Variants in DPP10 observed in about 807,000 individuals in gnomAD.
The protein encoded by DPP10 is inactive dipeptidyl peptidase 10.
In DPP10, 33 loss-of-function variants were observed where a neutral mutation model predicts 120.9. The observed-to-expected ratio is 0.27, with a 90% CI of 0.21 to 0.37. The LOEUF is 0.37. Among genes scored for constraint, DPP10 ranks in the 10% least tolerant of loss-of-function variants. The pLI, the probability that DPP10 is intolerant of heterozygous loss-of-function variation, is 1.00. For missense variants in DPP10, 816 were observed against 942.8 expected (o/e 0.87, Z 1.76); for synonymous variants, 337 against 326.1 (o/e 1.03, Z -0.36).
chr2:114,792,575 T>G (rs2106244108), intron 1 of DPP10, among the ~76,000 whole-genome samples: 2 of 152,346 alleles, frequency 1.3e-5, no homozygotes, highest in East Asian at 3.9e-4. Flanking sequence ...GTCCCCATTT[T>G]TCTCTGATAA....
intron 5 of DPP10, among the ~76,000 whole-genome samples, chr2:115,602,757 A>G (rs2083414286): frequency 6.6e-6 from 1 of 152,072 alleles, no homozygotes; most frequent in South Asian, 2.1e-4. Context: ...TCTGTGGGGA[A>G]CTCAGAGCTT....
At chr2:115,391,629 TA>T (rs990918592) in intron 3 of DPP10, among the ~76,000 whole-genome samples, 1 of 151,868 alleles carries the variant, frequency 6.6e-6, no homozygotes, top group Middle Eastern at 3.2e-3. Context: ...AAATATAAAA[TA>T]AAAAAGATGT....
chr2:115,836,414 A>C (rs1049562504), intron 22 of DPP10, 93 bp from the exon 23 acceptor site: 1 of 1,503,814 alleles, frequency 6.6e-7, no homozygotes, highest in African/African-American at 1.4e-5. Context: ...TTACTAAAGC[A>C]TGACAATTAA....
chr2:115,436,114 A>G (rs56280083), intron 3 of DPP10, among the ~76,000 whole-genome samples: 90,884 of 151,616 alleles, frequency 0.6, 28,537 homozygotes, highest in Middle Eastern at 0.74. Context: ...AGGGTGAAAA[A>G]TGTTTTTCAG....
At chr2:115,598,415 A>G (rs926338699) in intron 5 of DPP10, among the ~76,000 whole-genome samples, 5 of 151,770 alleles carry the variant, frequency 3.3e-5, no homozygotes, top group African/African-American at 9.7e-5. Context: ...TTAGAATTCA[A>G]TTATTTCTTT....
chr2:115,499,768 T>TA (rs1353638152), intron 4 of DPP10, among the ~76,000 whole-genome samples, 164 bp downstream of exon 4: 1 of 152,020 alleles, frequency 6.6e-6, no homozygotes, highest in African/African-American at 2.4e-5. Flanking sequence ...TGATAAAAAA[T>TA]ACCCTGTGAC....
chr2:115,231,044 GA>G (rs2057711563), intron 1 of DPP10, among the ~76,000 whole-genome samples: 1 of 151,752 alleles, frequency 6.6e-6, no homozygotes, highest in Non-Finnish European at 1.5e-5. Context: ...AAAGAGGAAA[GA>G]AAAATATATT....
At chr2:115,483,761 T>C (rs1373027672) in intron 3 of DPP10, among the ~76,000 whole-genome samples, 1 of 152,142 alleles carries the variant, frequency 6.6e-6, no homozygotes, top group East Asian at 1.9e-4. Flanking sequence ...AAATTCCGAC[T>C]GCTCCTTGGC....
chr2:114,631,632 A>T (rs1694933926), intron 1 of DPP10, among the ~76,000 whole-genome samples: 1 of 151,646 alleles, frequency 6.6e-6, no homozygotes, highest in African/African-American at 2.4e-5. Flanking sequence ...CTAGCGAAAG[A>T]CTCTCTCTCC....
intron 1 of DPP10, among the ~76,000 whole-genome samples, chr2:114,720,837 A>G (rs1701659010): frequency 6.6e-6 from 1 of 152,212 alleles, no homozygotes; most frequent in Non-Finnish European, 1.5e-5. Flanking sequence ...AGCTGCAGCT[A>G]TAACTGGCCT....
chr2:115,100,938 G>A (rs562851978), intron 1 of DPP10, among the ~76,000 whole-genome samples: 1 of 152,226 alleles, frequency 6.6e-6, no homozygotes, highest in African/African-American at 2.4e-5. Context: ...ATGGAAAACT[G>A]CATCACTTGC....
chr2:115,798,945 G>A (rs1474269029), intron 19 of DPP10, among the ~76,000 whole-genome samples: 1 of 151,940 alleles, frequency 6.6e-6, no homozygotes, highest in Non-Finnish European at 1.5e-5. Flanking sequence ...CTGAGTCCAT[G>A]TCTTTGTAGC....
intron 1 of DPP10, among the ~76,000 whole-genome samples, chr2:114,834,611 A>G (rs190408152): frequency 0.032 from 3,589 of 110,682 alleles, 305 homozygotes; most frequent in African/African-American, 0.072. Flanking sequence ...TATAAGCCAT[A>G]TCTAAGCACC....
intron 1 of DPP10, among the ~76,000 whole-genome samples, chr2:114,746,934 C>T (rs1303519281): frequency 6.6e-6 from 1 of 152,128 alleles, no homozygotes; most frequent in Non-Finnish European, 1.5e-5. Context: ...TTCTGAAACT[C>T]AGGTTGAAAC....
At chr2:114,471,378 G>A (rs1304091027) in intron 1 of DPP10, among the ~76,000 whole-genome samples, 4 of 152,142 alleles carry the variant, frequency 2.6e-5, no homozygotes, top group Non-Finnish European at 5.9e-5. Flanking sequence ...TAGAAGCAAA[G>A]GAAATATCAG....
chr2:115,539,898 A>G (rs1377236030), intron 5 of DPP10, among the ~76,000 whole-genome samples: 1 of 151,826 alleles, frequency 6.6e-6, no homozygotes, highest in East Asian at 1.9e-4. Context: ...AATTATACCA[A>G]GACAGCAATG....
At chr2:115,070,242 A>G (rs1198396235) in intron 1 of DPP10, among the ~76,000 whole-genome samples, 3 of 152,118 alleles carry the variant, frequency 2.0e-5, no homozygotes, top group African/African-American at 7.2e-5. Context: ...AATGCTAGCC[A>G]TTATTTCTTA....
At chr2:114,507,887 T>C (rs1673702707) in intron 1 of DPP10, among the ~76,000 whole-genome samples, 2 of 152,234 alleles carry the variant, frequency 1.3e-5, no homozygotes, top group Admixed American at 1.3e-4. Flanking sequence ...CAATAAAATG[T>C]TTTTATTAGT....
intron 1 of DPP10, among the ~76,000 whole-genome samples, chr2:114,524,568 G>A (rs867606120): frequency 6.6e-6 from 1 of 152,240 alleles, no homozygotes; most frequent in South Asian, 2.1e-4. Flanking sequence ...ATCAAGTGCT[G>A]TCTTACAAGT....
Sources: gnomAD v4.1 joint callset for allele counts (sites outside exome capture counted in the v4.1 genomes callset) on GRCh38, gnomAD v4.1.1 for gene constraint, MANE v1.5 for transcripts, NCBI Gene and HGNC (gene_info 2026-07-23, HGNC 2026-07-21) for gene names.